The following CDKL4 variants were observed in gnomAD, a reference collection of about 807,000 sequenced individuals.
CDKL4 encodes cyclin dependent kinase like 4, also known as cyclin-dependent kinase-like 4.
A neutral mutation model predicts 42.0 loss-of-function variants in CDKL4; 44 were observed. The ratio of observed to expected loss-of-function variants is 1.05; its 90% CI spans 0.82 to 1.35. The LOEUF is 1.35. CDKL4 is among the 40% of genes most tolerant of loss of function. CDKL4 has a pLI of 0.00. For missense variants in CDKL4, 393 were observed against 369.9 expected (o/e 1.06, Z -0.51); for synonymous variants, 120 against 121.6 (o/e 0.99, Z 0.09).
chr2:39,172,019 G>A (rs1675012559), downstream of CDKL4, among the ~76,000 whole-genome samples: 1 of 152,112 alleles, frequency 6.6e-6, no homozygotes, highest in African/African-American at 2.4e-5. Flanking sequence ...GATAAAAAAT[G>A]CATTACACAG....
At chr2:39,240,677 T>TAAAAAAAAAAAAAAAAAAAAAA (rs768356807) in intron 1 of CDKL4, among the ~76,000 whole-genome samples, 1 of 87,930 alleles carries the variant, frequency 1.1e-5, no homozygotes, top group Non-Finnish European at 2.4e-5. Context: ...AGATGAACAT[T>TAAAAAAAAAAAAAAAAAAAAAA]AAAAAAAAAA....
At chr2:39,177,525 C>A (rs1238679520) in intron 9 of CDKL4, among the ~76,000 whole-genome samples, 2 of 151,824 alleles carry the variant, frequency 1.3e-5, no homozygotes, top group Non-Finnish European at 2.9e-5. Context: ...CTGCCTCAGC[C>A]CCCCAAGTAG....
intron 1 of CDKL4, among the ~76,000 whole-genome samples, chr2:39,242,214 G>C (rs1338977770): frequency 6.6e-6 from 1 of 151,884 alleles, no homozygotes; most frequent in Admixed American, 6.6e-5. Context: ...CCTAGCTAAT[G>C]TTTGTATTTT....
At chr2:39,168,301 G>C in the CDKL4 span, among the ~76,000 whole-genome samples, 186 of 152,152 alleles carry the variant, frequency 1.2e-3, no homozygotes, top group African/African-American at 4.3e-3. Flanking sequence ...TCTTCAATAT[G>C]ACAATATTTA....
chr2:39,172,578 T>G (rs1436421257), downstream of CDKL4, among the ~76,000 whole-genome samples: 1 of 152,206 alleles, frequency 6.6e-6, no homozygotes, highest in South Asian at 2.1e-4. Flanking sequence ...AGAAGCTGAT[T>G]TTTCTTTTCT....
At chr2:39,243,516 G>T (rs931864774) in intron 1 of CDKL4, among the ~76,000 whole-genome samples, 3 of 152,214 alleles carry the variant, frequency 2.0e-5, no homozygotes, top group Non-Finnish European at 2.9e-5. Context: ...TGCAAGTCAA[G>T]CACAAATCCA....
exon 6 of CDKL4, chr2:39,190,434 C>T: frequency 6.2e-7 from 1 of 1,614,098 alleles, no homozygotes; most frequent in Non-Finnish European, 8.5e-7. Context: ...TACTGAGTAT[C>T]TCCCACAAGA....
chr2:39,173,480 C>T (rs1572930126), downstream of CDKL4, among the ~76,000 whole-genome samples: 1 of 150,982 alleles, frequency 6.6e-6, no homozygotes, highest in Non-Finnish European at 1.5e-5. Flanking sequence ...AGTTTGAGAT[C>T]AGCCTGGGCA....
At chr2:39,206,636 G>A (rs551810308) in intron 4 of CDKL4, among the ~76,000 whole-genome samples, 1 of 152,286 alleles carries the variant, frequency 6.6e-6, no homozygotes, top group African/African-American at 2.4e-5. Flanking sequence ...GAAAATGGAT[G>A]AAAATAATAT....
chr2:39,220,988 T>G (rs1019105409), intron 3 of CDKL4, among the ~76,000 whole-genome samples: 1 of 44,332 alleles, frequency 2.3e-5, no homozygotes, highest in Non-Finnish European at 1.1e-4. Flanking sequence ...TTTTTTTTTT[T>G]TTTTTTTTTT....
chr2:39,183,857 C>T (rs72927470), intron 8 of CDKL4, among the ~76,000 whole-genome samples: 2,408 of 152,218 alleles, frequency 0.016, 42 homozygotes, highest in African/African-American at 0.055. Flanking sequence ...AGCACTCCAG[C>T]ACTCTGGATA....
At chr2:39,225,106 A>T (rs920737689) in intron 3 of CDKL4, among the ~76,000 whole-genome samples, 1 of 152,152 alleles carries the variant, frequency 6.6e-6, no homozygotes, top group Non-Finnish European at 1.5e-5. Context: ...TAGTTTTACC[A>T]TTGAGTATAA....
chr2:39,229,657 C>A, intron 1 of CDKL4, 69 bp from the exon 2 acceptor site: 1 of 638,400 alleles, frequency 1.6e-6, no homozygotes, highest in East Asian at 2.9e-5. Flanking sequence ...TATATACAAC[C>A]AATTTGTCCA....
At position 39,242,008 on chromosome 2, in the gene CDKL4, T is replaced by G. The variant is rs550273601; in HGVS notation, c.-57+1863A>C. Among the ~76,000 whole-genome samples the G allele has an allele frequency of 1.8e-4, 28 of 152,162 alleles. No individual in the cohort carries two copies. The South Asian group carries it at 5.8e-3, about 32-fold the overall frequency. ...GATATAGCTATTGGCAGAAAGTAGA[T>G]TCAGTTGGTTGAAAATAGTTTTCTT... On this transcript the variant is annotated intron_variant, in intron 1 of 9. Coordinates refer to ENST00000451199, the Ensembl canonical transcript of CDKL4.
intron 3 of CDKL4, among the ~76,000 whole-genome samples, chr2:39,218,659 C>A (rs1678102608): frequency 6.6e-6 from 1 of 152,174 alleles, no homozygotes; most frequent in Non-Finnish European, 1.5e-5. Flanking sequence ...CTGGATACAA[C>A]AAAACGGTAG....
intron 3 of CDKL4, among the ~76,000 whole-genome samples, chr2:39,219,938 C>T (rs1041930027): frequency 2.6e-5 from 4 of 152,128 alleles, no homozygotes; most frequent in African/African-American, 4.8e-5. Context: ...ACAGTTAGGA[C>T]GTCAGGCATT....
At chr2:39,190,453 A>G (rs1676117445) in exon 6 of CDKL4, 1 of 1,614,132 alleles carries the variant, frequency 6.2e-7, no homozygotes, top group Non-Finnish European at 8.5e-7. Context: ...GAAGTTCAGG[A>G]GCTCGGTACC....
intron 1 of CDKL4, among the ~76,000 whole-genome samples, chr2:39,232,806 G>T (rs1302818201): frequency 6.6e-6 from 1 of 152,106 alleles, no homozygotes; most frequent in Non-Finnish European, 1.5e-5. Flanking sequence ...GGCACTTTGG[G>T]AGGCTGAGGC....
chr2:39,170,907 T>A (rs1674982402), downstream of CDKL4, among the ~76,000 whole-genome samples: 1 of 152,190 alleles, frequency 6.6e-6, no homozygotes, highest in Non-Finnish European at 1.5e-5. Flanking sequence ...AAGTGCTAAC[T>A]TTTTGGAAAA....
Sources: allele counts gnomAD v4.1 joint callset (sites outside exome capture counted in the v4.1 genomes callset), GRCh38; gene constraint gnomAD v4.1.1; transcripts MANE v1.5; gene names NCBI Gene and HGNC (gene_info 2026-07-23, HGNC 2026-07-21).